Variants in CDH12 observed in about 807,000 individuals in gnomAD.
CDH12 encodes the protein cadherin 12.
CDH12 carries 41 observed loss-of-function variants against 74.1 expected under a neutral mutation model. That is an observed-to-expected ratio of 0.55 (90% confidence interval 0.43 to 0.72). The LOEUF (loss-of-function observed/expected upper bound fraction) is 0.72, where lower values mean the gene tolerates loss of function less well. Among genes scored for constraint, CDH12 ranks in the 30% least tolerant of loss-of-function variants. The pLI is 0.00. For missense variants in CDH12, 945 were observed against 977.2 expected (o/e 0.97, Z 0.44); for synonymous variants, 399 against 355.0 (o/e 1.12, Z -1.39).
intron 5 of CDH12, among the ~76,000 whole-genome samples, chr5:21,976,560 T>C (rs1757080801): frequency 1.3e-5 from 2 of 150,842 alleles, no homozygotes; most frequent in Admixed American, 6.6e-5. Flanking sequence ...ATACATAACA[T>C]AGTCTTATAA....
chr5:22,486,360 T>G (rs72744877), intron 2 of CDH12, among the ~76,000 whole-genome samples: 18,870 of 152,018 alleles, frequency 0.12, 1,190 homozygotes, highest in South Asian at 0.16. Context: ...AAAAAACTCA[T>G]CTTGTGATAA....
At chr5:22,326,296 G>A (rs960892105) in intron 3 of CDH12, among the ~76,000 whole-genome samples, 46 of 151,684 alleles carry the variant, frequency 3.0e-4, no homozygotes, top group African/African-American at 9.9e-4. Flanking sequence ...GTGCAGTGGC[G>A]CGATCTCGGC....
chr5:21,915,828 G>C (rs1031343012), intron 6 of CDH12, among the ~76,000 whole-genome samples: 3 of 139,156 alleles, frequency 2.2e-5, no homozygotes, highest in African/African-American at 9.3e-5. Context: ...TGTGCTGTGT[G>C]TGTGTGTGTG....
At chr5:22,198,325 TA>T (rs537908248) in intron 4 of CDH12, among the ~76,000 whole-genome samples, 53 of 151,790 alleles carry the variant, frequency 3.5e-4, no homozygotes, top group South Asian at 8.3e-4. Flanking sequence ...CTAATAATGT[TA>T]AAAAAATGCT....
chr5:21,999,008 C>T (rs1026859970), intron 5 of CDH12, among the ~76,000 whole-genome samples: 12 of 152,264 alleles, frequency 7.9e-5, no homozygotes, highest in Non-Finnish European at 1.6e-4. Context: ...TAACGGTCTC[C>T]GTTTCCATTC....
At chr5:22,582,499 C>T (rs138518862) in intron 1 of CDH12, among the ~76,000 whole-genome samples, 65 of 152,218 alleles carry the variant, frequency 4.3e-4, no homozygotes, top group African/African-American at 1.5e-3. Context: ...TACTGGATAG[C>T]ATGGGATCTA....
chr5:22,824,396 C>G (rs1304534594), intron 1 of CDH12, among the ~76,000 whole-genome samples: 1 of 151,986 alleles, frequency 6.6e-6, no homozygotes, highest in Non-Finnish European at 1.5e-5. Flanking sequence ...GGAAATTTCT[C>G]ACAAAATTTG....
chr5:22,170,826 T>C (rs1748979123), intron 4 of CDH12, among the ~76,000 whole-genome samples: 1 of 151,840 alleles, frequency 6.6e-6, no homozygotes, highest in Non-Finnish European at 1.5e-5. Context: ...AACTTCCAAT[T>C]AGATTGAACT....
intron 3 of CDH12, among the ~76,000 whole-genome samples, chr5:22,238,200 G>A (rs779110206): frequency 1.3e-5 from 2 of 152,120 alleles, no homozygotes; most frequent in Non-Finnish European, 1.5e-5. Flanking sequence ...CTGCTATAAC[G>A]GAGAAGAGCT....
chr5:22,621,803 A>G (rs1737986453), intron 1 of CDH12, among the ~76,000 whole-genome samples: 1 of 152,078 alleles, frequency 6.6e-6, no homozygotes, highest in Admixed American at 6.5e-5. Context: ...TTAATTATAA[A>G]TTGTGAATGA....
intron 3 of CDH12, among the ~76,000 whole-genome samples, chr5:22,308,978 CGA>C (rs72004509): frequency 0.43 from 60,317 of 139,958 alleles, 13,160 homozygotes; most frequent in Admixed American, 0.54. Flanking sequence ...AGAGAGAAAG[CGA>C]GAGAGAGATG....
chr5:21,795,254 C>A (rs1320373723), intron 10 of CDH12, among the ~76,000 whole-genome samples: 1 of 151,508 alleles, frequency 6.6e-6, no homozygotes, highest in Non-Finnish European at 1.5e-5. Context: ...TTATTAGAGA[C>A]AATTGTGATC....
intron 3 of CDH12, among the ~76,000 whole-genome samples, chr5:22,238,423 T>C (rs1466315000): frequency 6.6e-6 from 1 of 152,212 alleles, no homozygotes; most frequent in Non-Finnish European, 1.5e-5. Flanking sequence ...AATCTTGTAG[T>C]TTTACCTACC....
chr5:22,661,114 C>G (rs1354403022), intron 1 of CDH12, among the ~76,000 whole-genome samples: 3 of 152,086 alleles, frequency 2.0e-5, no homozygotes, highest in Non-Finnish European at 4.4e-5. Flanking sequence ...TTAGAGGAAG[C>G]AAAGAAACCT....
At chr5:21,829,028 G>T (rs888302807) in intron 8 of CDH12, among the ~76,000 whole-genome samples, 1 of 151,570 alleles carries the variant, frequency 6.6e-6, no homozygotes, top group African/African-American at 2.4e-5. Flanking sequence ...GGGCGCAGTG[G>T]CTCATGCCTG....
intron 3 of CDH12, among the ~76,000 whole-genome samples, chr5:22,232,113 TAA>T (rs1275489731): frequency 6.6e-6 from 1 of 151,928 alleles, no homozygotes; most frequent in East Asian, 1.9e-4. Context: ...ATTTCATATA[TAA>T]GTTTCTATTA....
chr5:21,876,325 C>CT lies in CDH12; in HGVS notation c.527-21536dup, dbSNP rs933878145. On this transcript the variant is annotated intron_variant, in intron 6 of 14. Coordinates refer to ENST00000382254, the MANE Select transcript of CDH12 (RefSeq NM_004061.5). ...AACTACTTAGCATTCTTTACAGACT[C>CT]TTTTTCCTCTCTCTGCTCATATACC... is the stretch of plus-strand genomic sequence containing the variant. Among the ~76,000 whole-genome samples, 3 of 152,162 alleles carry CT rather than the reference C, an allele frequency of 2.0e-5. No homozygotes were observed. In the East Asian group the frequency reaches 5.8e-4, roughly 29 times the overall value.
intron 2 of CDH12, among the ~76,000 whole-genome samples, chr5:22,443,881 T>C (rs752703383): frequency 6.6e-5 from 10 of 152,056 alleles, no homozygotes; most frequent in Non-Finnish European, 1.3e-4. Context: ...CACATGTGTA[T>C]ATGTATATTT....
intron 2 of CDH12, among the ~76,000 whole-genome samples, chr5:22,496,341 G>T (rs532568317): frequency 3.9e-5 from 6 of 152,230 alleles, no homozygotes; most frequent in Non-Finnish European, 8.8e-5. Context: ...TAAGAATTTT[G>T]TTGGAGGGGT....
Sources: gnomAD v4.1 joint callset for allele counts (sites outside exome capture counted in the v4.1 genomes callset) on GRCh38, gnomAD v4.1.1 for gene constraint, MANE v1.5 for transcripts, NCBI Gene and HGNC (gene_info 2026-07-23, HGNC 2026-07-21) for gene names.